Variants in ZHX3 observed in about 807,000 individuals in gnomAD.
ZHX3 encodes zinc fingers and homeoboxes protein 3.
In ZHX3, 20 loss-of-function variants were observed where a neutral mutation model predicts 64.5. The ratio of observed to expected loss-of-function variants is 0.31; its 90% CI spans 0.22 to 0.45. The LOEUF (loss-of-function observed/expected upper bound fraction) is 0.45. Among genes scored for constraint, ZHX3 ranks in the 20% least tolerant of loss-of-function variants. ZHX3 has a pLI of 1.00. For synonymous variants in ZHX3, 423 were observed against 461.6 expected, an observed-to-expected ratio of 0.92 and a Z score of 1.07; for missense variants, 1,041 against 1,195.8, an observed-to-expected ratio of 0.87 and a Z score of 1.91.
At chr20:41,287,189 C>A (rs1313449402) in intron 1 of ZHX3, among the ~76,000 whole-genome samples, 1 of 152,068 alleles carries the variant, frequency 6.6e-6, no homozygotes, top group Non-Finnish European at 1.5e-5. Flanking sequence ...CAGGAATCCA[C>A]ACCTGTTCCC....
At position 41,226,627 on chromosome 20, in the gene ZHX3, G is replaced by A. The variant is rs903317278; in HGVS notation, c.-150-21561C>T. Among the ~76,000 whole-genome samples the A allele has an allele frequency of 3.9e-5, 6 of 152,072 alleles. No individual in the cohort carries two copies. Among genetic ancestry groups the A allele is most frequent in the South Asian group, 2.1e-4 (1 of 4,816 alleles). The stretch of plus-strand genomic sequence containing the variant: ...CAGAAATCACAGGAGTCATCAATTC[G>A]TCTTTACCTTTTTTGATCCTGTCAT... On this transcript the variant is annotated intron_variant, in intron 2 of 3. Coordinates refer to ENST00000683867, the MANE Select transcript of ZHX3 (RefSeq NM_001384317.1). This position sits in a 1 kb window ranked among gnomAD's most constrained non-coding sequence, Gnocchi z 4.4.
At chr20:41,272,659 C>G (rs2043199946) in intron 1 of ZHX3, among the ~76,000 whole-genome samples, 1 of 152,190 alleles carries the variant, frequency 6.6e-6, no homozygotes, top group South Asian at 2.1e-4. Flanking sequence ...CTTTCTTTCA[C>G]TCTGCATAAT....
At chr20:41,231,350 A>G (rs2146385696) in intron 2 of ZHX3, among the ~76,000 whole-genome samples, 1 of 152,276 alleles carries the variant, frequency 6.6e-6, no homozygotes, top group East Asian at 1.9e-4. Context: ...CTCAAGTCCA[A>G]GCCTGGTTGT....
rs950368237 is a variant in ZHX3, at chr20:41,232,659, G to A, written c.-150-27593C>T. 6.6e-6 allele frequency among the ~76,000 whole-genome samples: 1 copy of A among 151,872 alleles called. No individual in the cohort carries two copies. Among genetic ancestry groups the A allele is most frequent in the Admixed American group, 6.6e-5 (1 of 15,250 alleles). On this transcript the variant is annotated intron_variant, in intron 2 of 3. Coordinates refer to ENST00000683867, the MANE Select transcript of ZHX3 (RefSeq NM_001384317.1). This position sits in a 1 kb window ranked among gnomAD's most constrained non-coding sequence, Gnocchi z 5.0. Reference sequence around the variant, plus strand: ...GGCTGGAGTGCAGTGGCGCAATCTCGGCTCATTGCAAGCTCCGCCTCCCGG... The same window carrying A: ...GGCTGGAGTGCAGTGGCGCAATCTCAGCTCATTGCAAGCTCCGCCTCCCGG...
chr20:41,225,160 T>C (rs1297992184), intron 2 of ZHX3, among the ~76,000 whole-genome samples: 2 of 152,194 alleles, frequency 1.3e-5, no homozygotes, highest in African/African-American at 4.8e-5. Flanking sequence ...ATGACTTAAG[T>C]CCTCACAATC....
chr20:41,281,986 T>A (rs1304599409), intron 1 of ZHX3, among the ~76,000 whole-genome samples: 1 of 152,114 alleles, frequency 6.6e-6, no homozygotes, highest in Non-Finnish European at 1.5e-5. Context: ...GAAGATGGAT[T>A]CCCTATGTGT....
At chr20:41,256,976 T>C (rs1228628098) in intron 2 of ZHX3, among the ~76,000 whole-genome samples, 1 of 152,040 alleles carries the variant, frequency 6.6e-6, no homozygotes, top group African/African-American at 2.4e-5. Context: ...CTCCACTCTA[T>C]ATGTCCATCT....
At chr20:41,263,922 A>T (rs947777114) in intron 2 of ZHX3, among the ~76,000 whole-genome samples, 1 of 152,154 alleles carries the variant, frequency 6.6e-6, no homozygotes, top group Non-Finnish European at 1.5e-5. Flanking sequence ...ACTAAAATTG[A>T]TACTACTGGC....
At chr20:41,227,495 G>C (rs2040347535) in intron 2 of ZHX3, among the ~76,000 whole-genome samples, 2 of 152,168 alleles carry the variant, frequency 1.3e-5, no homozygotes, top group Admixed American at 1.3e-4. Context: ...ATGTGAGTGA[G>C]TGTGCATGAA....
chr20:41,200,728 A>T lies in ZHX3; in HGVS notation c.2860+1329T>A, dbSNP rs1780934532. On this transcript the variant is annotated intron_variant, in intron 3 of 3. Coordinates refer to ENST00000683867, the MANE Select transcript of ZHX3 (RefSeq NM_001384317.1). The surrounding 1 kb of genome is among the most constrained non-coding windows in gnomAD (Gnocchi z 4.2). Reference sequence around the variant, plus strand: ...AACTGGATTTTGCCTTAGTATGTTAATATGAGAAGAACAGGCTTTCTGCAA... The same window carrying T: ...AACTGGATTTTGCCTTAGTATGTTATTATGAGAAGAACAGGCTTTCTGCAA... 6.6e-6 allele frequency among the ~76,000 whole-genome samples: 1 copy of T among 152,184 alleles called. No homozygotes were observed. Among genetic ancestry groups the T allele is most frequent in the Admixed American group, 6.5e-5 (1 of 15,272 alleles).
At chr20:41,286,971 TG>T (rs2043968585) in intron 1 of ZHX3, among the ~76,000 whole-genome samples, 1 of 152,184 alleles carries the variant, frequency 6.6e-6, no homozygotes, top group Non-Finnish European at 1.5e-5. Flanking sequence ...CCACCATGAC[TG>T]TAAGTTGAGG....
intron 1 of ZHX3, among the ~76,000 whole-genome samples, chr20:41,282,647 C>G (rs891458107): frequency 3.3e-5 from 5 of 152,102 alleles, no homozygotes; most frequent in Admixed American, 1.3e-4. Flanking sequence ...CGTAAGCCAC[C>G]GCACCCAGCC....
intron 1 of ZHX3, among the ~76,000 whole-genome samples, chr20:41,280,770 C>T (rs2043638237): frequency 6.6e-6 from 1 of 151,864 alleles, no homozygotes; most frequent in South Asian, 2.1e-4. Flanking sequence ...GGGGCATAAC[C>T]AAAGACAAAA....
intron 1 of ZHX3, among the ~76,000 whole-genome samples, chr20:41,282,024 T>C (rs780358202): frequency 6.6e-6 from 1 of 152,198 alleles, no homozygotes; most frequent in Non-Finnish European, 1.5e-5. Flanking sequence ...GTCCTTCTTG[T>C]GGATTGGGCA....
In ZHX3 at chr20:41,196,442, A is replaced by ATTATAATATAT. The variant is rs1568796684; in HGVS notation, c.2860+5614_2860+5615insATATATTATAA. Among the ~76,000 whole-genome samples the ATTATAATATAT allele has an allele frequency of 1.1e-3, 60 of 57,002 alleles. 2 individuals are homozygous for ATTATAATATAT. Among genetic ancestry groups the ATTATAATATAT allele is most frequent in the African/African-American group, 4.1e-3 (58 of 14,196 alleles). 37.4% of individuals were successfully genotyped at this position (57,002 alleles called of 152,430 possible). On this transcript the variant is annotated intron_variant, in intron 3 of 3. Coordinates refer to ENST00000683867, the MANE Select transcript of ZHX3 (RefSeq NM_001384317.1). ...AATATATATTTATATAAATATATAT[A>ATTATAATATAT]TTATATATAATATATTTATATATAA...
intron 1 of ZHX3, among the ~76,000 whole-genome samples, chr20:41,308,886 A>G (rs1442425985): frequency 2.0e-5 from 3 of 152,140 alleles, no homozygotes; most frequent in African/African-American, 4.8e-5. Flanking sequence ...TGTGCACATA[A>G]TTTTACAAAT....
chr20:41,263,420 A>G, intron 2 of ZHX3, among the ~76,000 whole-genome samples: 1 of 146,880 alleles, frequency 6.8e-6, no homozygotes, highest in Non-Finnish European at 1.5e-5. Context: ...TTTGAGATGG[A>G]GTCTCGCTCT....
intron 2 of ZHX3, among the ~76,000 whole-genome samples, chr20:41,261,037 T>C (rs2042535671): frequency 6.6e-6 from 1 of 152,008 alleles, no homozygotes; most frequent in Non-Finnish European, 1.5e-5. Context: ...AAGATTCAAA[T>C]GACAGAAGGA....
intron 2 of ZHX3, among the ~76,000 whole-genome samples, chr20:41,220,730 A>G (rs1291311959): frequency 6.6e-6 from 1 of 151,718 alleles, no homozygotes; most frequent in Non-Finnish European, 1.5e-5. Flanking sequence ...GTCTTACTCT[A>G]TCACCCAGGC....
Sources: allele counts gnomAD v4.1 joint callset (sites outside exome capture counted in the v4.1 genomes callset), GRCh38; gene constraint gnomAD v4.1.1; non-coding constraint Gnocchi (gnomAD v3.1); transcripts MANE v1.5; gene names NCBI Gene and HGNC (gene_info 2026-07-23, HGNC 2026-07-21).